ACOX1: variants seen among roughly 807,000 people sequenced by gnomAD.
The protein encoded by ACOX1 is peroxisomal acyl-coenzyme A oxidase 1.
ACOX1 carries 41 observed loss-of-function variants against 75.5 expected under a neutral mutation model. The observed-to-expected ratio is 0.54, with a 90% CI of 0.42 to 0.70. ACOX1 has a LOEUF of 0.70. Among genes scored for constraint, ACOX1 ranks in the 30% least tolerant of loss-of-function variants. The pLI is 0.00. For synonymous variants in ACOX1, 303 were observed against 298.8 expected (o/e 1.01, Z -0.15); for missense variants, 630 against 837.5 (o/e 0.75, Z 3.06).
chr17:75,973,762 T>A, intron 2 of ACOX1: 1 of 1,614,124 alleles, frequency 6.2e-7, no homozygotes, highest in South Asian at 1.1e-5. Flanking sequence ...GCCCACAGGT[T>A]CCACAAAATT....
intron 2 of ACOX1, among the ~76,000 whole-genome samples, chr17:75,977,584 CA>C (rs992772132): frequency 1.3e-5 from 2 of 151,964 alleles, no homozygotes; most frequent in African/African-American, 4.8e-5. Flanking sequence ...AAAACAAAAA[CA>C]AAAAACACAA....
intron 2 of ACOX1, chr17:75,973,763 C>A: frequency 6.2e-7 from 1 of 1,614,086 alleles, no homozygotes; most frequent in Non-Finnish European, 8.5e-7. Context: ...CCCACAGGTT[C>A]CACAAAATTG....
rs955117683 is a variant in ACOX1 at position 75,960,484 on chromosome 17, A to G, written c.270-109T>C. On this transcript the variant is annotated intron_variant, in intron 2 of 13. Coordinates refer to ENST00000293217, the MANE Select transcript of ACOX1 (RefSeq NM_004035.7). The surrounding 1 kb of genome is among the most constrained non-coding windows in gnomAD (Gnocchi z 4.4). ...GGAGACAAAAAAACCTTAAGTATGAATTAGTTGCGTGCACTTAATCATAGA... is the reference window on the plus strand; with the variant it reads ...GGAGACAAAAAAACCTTAAGTATGAGTTAGTTGCGTGCACTTAATCATAGA... 1.4e-5 allele frequency: 15 copies of G among 1,104,928 alleles called. No individual in the cohort carries two copies. The East Asian group carries it at 2.5e-4, about 19-fold the overall frequency. 68.4% of individuals were successfully genotyped at this position (1,104,928 alleles called of 1,614,324 possible).
intron 2 of ACOX1, among the ~76,000 whole-genome samples, chr17:75,976,700 C>A (rs1416193969): frequency 2.0e-5 from 3 of 152,144 alleles, no homozygotes; most frequent in Non-Finnish European, 4.4e-5. Flanking sequence ...ACCATTTCAT[C>A]TTCACAAAAA....
intron 2 of ACOX1, among the ~76,000 whole-genome samples, chr17:75,964,786 C>T (rs2065915330): frequency 6.6e-6 from 1 of 152,110 alleles, no homozygotes; most frequent in African/African-American, 2.4e-5. Context: ...CAACATTATA[C>T]TTAGTGAAGG....
intron 7 of ACOX1, 60 bp downstream of exon 7, chr17:75,953,391 A>G: frequency 6.3e-7 from 1 of 1,594,216 alleles, no homozygotes; most frequent in Non-Finnish European, 8.6e-7. Flanking sequence ...GAATTCTGGG[A>G]TCTGAATGGG....
intron 13 of ACOX1, 38 bp from the exon 14 acceptor site, chr17:75,946,833 G>A: frequency 1.3e-6 from 2 of 1,584,632 alleles, no homozygotes; most frequent in Non-Finnish European, 1.7e-6. Context: ...CTAATAAAGA[G>A]TTTGCCATGT....
At chr17:75,971,090 G>A (rs2065989030) in intron 2 of ACOX1, among the ~76,000 whole-genome samples, 2 of 152,056 alleles carry the variant, frequency 1.3e-5, no homozygotes, top group Non-Finnish European at 1.5e-5. Flanking sequence ...TCGGGAGTTC[G>A]AGACCAGCCT....
chr17:75,948,170 TA>T, intron 13 of ACOX1, 80 bp downstream of exon 13: 1 of 1,426,306 alleles, frequency 7.0e-7, no homozygotes, highest in Non-Finnish European at 9.9e-7. Flanking sequence ...CTTTCACAGA[TA>T]AATCCCCTTC....
In ACOX1 at chr17:75,953,541, A is replaced by G; in HGVS notation, c.854T>C (p.Leu285Pro). ...YGTMVFVRSF[L>P]VGEAARALSK... is the part of the protein sequence containing the mutation. ...CAGAGCCCGAGCAGCTTCTCCCACAAGGAAGGACCTGACAAACACCATGGT... is the reference window on the plus strand; with the variant it reads ...CAGAGCCCGAGCAGCTTCTCCCACAGGGAAGGACCTGACAAACACCATGGT... Residue 285 changes from leucine (L) to proline (P), a missense_variant, in exon 7 of 14, where the codon CTT (leucine) becomes CCT (proline). Physicochemically the swap from Leu to Pro is moderately conservative, Grantham distance 98 (BLOSUM62 -3). This residue lies in a region of ACOX1 where 390 missense variants were observed against 574.9 expected (regional missense o/e 0.68). Transcript: ENST00000293217. The G allele has an allele frequency of 1.2e-6, 2 of 1,614,206 alleles. No homozygotes were observed. The highest frequency in any genetic ancestry group is 1.7e-6 in the Non-Finnish European group (2 of 1,180,012).
chr17:75,955,171 CTT>C (rs57362791), intron 6 of ACOX1, among the ~76,000 whole-genome samples: 3 of 146,112 alleles, frequency 2.1e-5, no homozygotes, highest in African/African-American at 2.5e-5. Flanking sequence ...GCCCAGCCTC[CTT>C]TTTTTTTTTG....
intron 2 of ACOX1, among the ~76,000 whole-genome samples, chr17:75,971,894 G>C (rs2065998647): frequency 1.3e-5 from 2 of 152,190 alleles, no homozygotes; most frequent in African/African-American, 4.8e-5. Context: ...TGAACAGCAT[G>C]ACTGTTAAGT....
chr17:75,956,977 A>C (rs1191013312), intron 4 of ACOX1, among the ~76,000 whole-genome samples: 38 of 11,354 alleles, frequency 3.3e-3, no homozygotes, highest in East Asian at 9.0e-3. Context: ...CTCTCTATAT[A>C]TATATATATA....
At chr17:75,973,383 T>C in intron 2 of ACOX1, 1 of 548,582 alleles carries the variant, frequency 1.8e-6, no homozygotes, top group Non-Finnish European at 3.3e-6. Flanking sequence ...GTAAACCCCA[T>C]CTTTTCAAGC....
At chr17:75,973,603 C>T in intron 2 of ACOX1, 1 of 1,613,988 alleles carries the variant, frequency 6.2e-7, no homozygotes, top group Non-Finnish European at 8.5e-7. Context: ...GGGTTACCCA[C>T]AGACCCTCAA....
Position 75,946,809 on chromosome 17 carries a change from A to C in ACOX1, c.1936-14T>G. The C allele has an allele frequency of 6.2e-7, 1 of 1,612,466 alleles. No individual in the cohort carries two copies. The highest frequency in any genetic ancestry group is 8.5e-7 in the Non-Finnish European group (1 of 1,178,592). On this transcript the variant is annotated splice_polypyrimidine_tract_variant and intron_variant, in intron 13 of 13. Transcript: ENST00000293217. ...AGATTCGTGGACCTGTGGGGAAAGG[A>C]GAGAGAAGAACTACTAATAAAGAGT...
intron 2 of ACOX1, among the ~76,000 whole-genome samples, chr17:75,964,308 T>C (rs542204985): frequency 3.2e-4 from 49 of 151,904 alleles, no homozygotes; most frequent in Non-Finnish European, 5.7e-4. Flanking sequence ...AGGAAGAAAA[T>C]TCAATGTGCA....
At chr17:75,965,520 A>G (rs1221485265) in intron 2 of ACOX1, among the ~76,000 whole-genome samples, 1 of 151,800 alleles carries the variant, frequency 6.6e-6, no homozygotes, top group Non-Finnish European at 1.5e-5. Flanking sequence ...TTTTTTTAGA[A>G]CCTGACAGAT....
intron 2 of ACOX1, among the ~76,000 whole-genome samples, chr17:75,969,693 A>G (rs914326628): frequency 6.6e-6 from 1 of 152,194 alleles, no homozygotes; most frequent in African/African-American, 2.4e-5. Flanking sequence ...AGAAAGGTGC[A>G]TTATTTCATA....
Sources: allele counts gnomAD v4.1 joint callset (sites outside exome capture counted in the v4.1 genomes callset), GRCh38; gene constraint gnomAD v4.1.1; regional missense constraint gnomAD v4.1.1; non-coding constraint Gnocchi (gnomAD v3.1); transcripts MANE v1.5; gene names NCBI Gene and HGNC (gene_info 2026-07-23, HGNC 2026-07-21).